DLG2: variants seen among roughly 807,000 people sequenced by gnomAD.
DLG2 encodes the protein disks large homolog 2.
A neutral mutation model predicts 132.5 loss-of-function variants in DLG2; 45 were observed. The ratio of observed to expected loss-of-function variants is 0.34; its 90% confidence interval spans 0.27 to 0.44. DLG2 has a LOEUF of 0.44. DLG2 is among the 20% of genes least tolerant of loss of function. DLG2 has a pLI of 1.00. For missense variants in DLG2, 1,045 were observed against 1,196.9 expected, an observed-to-expected ratio of 0.87 and a Z score of 1.87; for synonymous variants, 424 against 419.6, an observed-to-expected ratio of 1.01 and a Z score of -0.13.
At chr11:85,574,282 G>C (rs61907154) in intron 3 of DLG2, among the ~76,000 whole-genome samples, 1,806 of 151,804 alleles carry the variant, frequency 0.012, 16 homozygotes, top group Non-Finnish European at 0.019. Flanking sequence ...TTCTAACCTT[G>C]ATATCTCCCT....
At chr11:85,176,792 G>C (rs1212303943) in intron 4 of DLG2, among the ~76,000 whole-genome samples, 5 of 151,992 alleles carry the variant, frequency 3.3e-5, no homozygotes, top group Admixed American at 3.3e-4. Flanking sequence ...TAAAAAGTAG[G>C]CAAAGGACAT....
chr11:85,246,635 G>T (rs11821282), intron 4 of DLG2, among the ~76,000 whole-genome samples: 1,789 of 149,880 alleles, frequency 0.012, 27 homozygotes, highest in African/African-American at 0.04. Flanking sequence ...TAAGTATGAT[G>T]AAGATTAATT....
intron 3 of DLG2, among the ~76,000 whole-genome samples, chr11:85,522,322 G>C (rs993497762): frequency 3.9e-5 from 6 of 152,344 alleles, no homozygotes; most frequent in African/African-American, 1.4e-4. Flanking sequence ...CTAGGTTTCA[G>C]AGGACATAAG....
intron 6 of DLG2, among the ~76,000 whole-genome samples, chr11:84,935,083 G>C (rs919181359): frequency 2.0e-5 from 3 of 152,066 alleles, no homozygotes; most frequent in African/African-American, 7.2e-5. Context: ...AAATCTAGCA[G>C]TCACCTCTGA....
chr11:84,290,692 G>C (rs1027918428), intron 7 of DLG2, among the ~76,000 whole-genome samples: 2 of 152,098 alleles, frequency 1.3e-5, no homozygotes, highest in African/African-American at 2.4e-5. Context: ...GAGATATTGA[G>C]TAACATAACT....
chr11:84,576,446 A>G (rs894121367), intron 6 of DLG2, among the ~76,000 whole-genome samples: 2 of 152,216 alleles, frequency 1.3e-5, no homozygotes, highest in Non-Finnish European at 2.9e-5. Context: ...GAATCAGAAA[A>G]TGCTTCACTG....
At chr11:84,159,096 T>A (rs2154258885) in intron 9 of DLG2, among the ~76,000 whole-genome samples, 1 of 152,288 alleles carries the variant, frequency 6.6e-6, no homozygotes, top group East Asian at 1.9e-4. Flanking sequence ...GCCATGTGCG[T>A]CTATGTTACT....
chr11:85,036,552 T>C (rs2061449657), intron 6 of DLG2, among the ~76,000 whole-genome samples: 1 of 152,222 alleles, frequency 6.6e-6, no homozygotes, highest in South Asian at 2.1e-4. Context: ...ATAAAATGTT[T>C]CTATAGAGTC....
chr11:85,575,536 T>C (rs933559614), intron 3 of DLG2, among the ~76,000 whole-genome samples: 11 of 136,218 alleles, frequency 8.1e-5, no homozygotes, highest in African/African-American at 3.0e-4. Context: ...TGAGATCCTA[T>C]CTCAAAAAAA....
intron 7 of DLG2, among the ~76,000 whole-genome samples, chr11:84,487,525 C>T (rs1003680430): frequency 1.3e-5 from 2 of 152,070 alleles, no homozygotes; most frequent in African/African-American, 2.4e-5. Context: ...AGTTTACTCA[C>T]TTCAGAATGT....
At chr11:84,380,461 A>C (rs970996024) in intron 7 of DLG2, among the ~76,000 whole-genome samples, 6 of 152,048 alleles carry the variant, frequency 3.9e-5, no homozygotes, top group African/African-American at 4.8e-5. Flanking sequence ...ATAGCTTTGA[A>C]AACATATATA....
Position 85,488,606 on chromosome 11 carries a change from G to C in DLG2, c.40+110051C>G, listed in dbSNP as rs146912604. ...AGAGACTGAATTCTAAAATCAGCAA[G>C]AGAAAGGTATCAAGTTACCTATAAA... is the stretch of plus-strand genomic sequence containing the variant. On this transcript the variant is annotated intron_variant, in intron 3 of 27. Coordinates refer to ENST00000376104, the MANE Select transcript of DLG2 (RefSeq NM_001142699.3). Among the ~76,000 whole-genome samples, 291 of 152,190 alleles carry C rather than the reference G, an allele frequency of 1.9e-3. 3 individuals are homozygous for C. The highest frequency in any genetic ancestry group is 6.6e-3 in the African/African-American group (273 of 41,508).
intron 19 of DLG2, among the ~76,000 whole-genome samples, chr11:83,612,067 T>G (rs2060197466): frequency 6.6e-6 from 1 of 152,204 alleles, no homozygotes; most frequent in African/African-American, 2.4e-5. Context: ...AGTTTAATTT[T>G]CCATTTGGAT....
At position 84,396,339 on chromosome 11, in the gene DLG2, A is replaced by C. The variant is rs146543083; in HGVS notation, c.519+138231T>G. Reference sequence around the variant, plus strand: ...TGCAAAAATGAGAGACGTTACCAGCAAAAGTCCTTAACCATATCTTCAGAG... The same window carrying C: ...TGCAAAAATGAGAGACGTTACCAGCCAAAGTCCTTAACCATATCTTCAGAG... On this transcript the variant is annotated intron_variant, in intron 7 of 27. Transcript: ENST00000376104. Among the ~76,000 whole-genome samples, 344 of 152,334 alleles carry C rather than the reference A, an allele frequency of 2.3e-3. 2 individuals are homozygous for C. Among genetic ancestry groups the C allele is most frequent in the African/African-American group, 8.1e-3 (337 of 41,582 alleles).
At chr11:84,764,649 A>G (rs1179299632) in intron 6 of DLG2, among the ~76,000 whole-genome samples, 1 of 152,118 alleles carries the variant, frequency 6.6e-6, no homozygotes, top group Admixed American at 6.6e-5. Flanking sequence ...AAGATATTCT[A>G]CACAAATAGA....
chr11:83,700,645 T>A (rs981848606), intron 18 of DLG2, among the ~76,000 whole-genome samples: 8 of 152,232 alleles, frequency 5.3e-5, no homozygotes, highest in African/African-American at 1.7e-4. Context: ...AATGTTATTT[T>A]CTTTCACTGT....
At chr11:83,684,781 C>T (rs928412361) in intron 18 of DLG2, among the ~76,000 whole-genome samples, 1 of 152,088 alleles carries the variant, frequency 6.6e-6, no homozygotes, top group Non-Finnish European at 1.5e-5. Context: ...CATTTCTTCC[C>T]TGTCCATTTT....
chr11:85,192,111 G>A (rs1035720937), intron 4 of DLG2, among the ~76,000 whole-genome samples: 1 of 152,074 alleles, frequency 6.6e-6, no homozygotes. Context: ...GGTGGAATTC[G>A]CGTACAGGCT....
intron 18 of DLG2, among the ~76,000 whole-genome samples, chr11:83,686,273 A>T (rs2153607982): frequency 1.3e-5 from 2 of 152,266 alleles, no homozygotes; most frequent in Middle Eastern, 6.8e-3. Flanking sequence ...TCTCCTTGGA[A>T]GAAGAGATTT....
Sources: gnomAD v4.1 joint callset for allele counts (sites outside exome capture counted in the v4.1 genomes callset) on GRCh38, gnomAD v4.1.1 for gene constraint, MANE v1.5 for transcripts, NCBI Gene and HGNC (gene_info 2026-07-23, HGNC 2026-07-21) for gene names.